Variants in APBA2 observed in about 807,000 individuals in gnomAD.
The protein encoded by APBA2 is amyloid-beta A4 precursor protein-binding family A member 2.
A neutral mutation model predicts 75.0 loss-of-function variants in APBA2; 30 were observed. That is an observed-to-expected ratio of 0.40 (90% confidence interval 0.30 to 0.54). The LOEUF is 0.54. Ranked by LOEUF, APBA2 falls within the 20% of genes least tolerant of loss-of-function variation. APBA2 has a pLI of 0.49. For missense variants in APBA2, 801 were observed against 1,016.1 expected (o/e 0.79, Z 2.88); for synonymous variants, 444 against 409.6 (o/e 1.08, Z -1.01).
intron 10 of APBA2, among the ~76,000 whole-genome samples, chr15:29,105,089 C>T (rs1422999904): frequency 6.6e-6 from 1 of 152,182 alleles, no homozygotes; most frequent in Non-Finnish European, 1.5e-5. Flanking sequence ...ACAGCTTTGA[C>T]CTGGAGCATC....
chr15:29,017,405 T>C (rs1318843043), intron 3 of APBA2, among the ~76,000 whole-genome samples: 2 of 134,894 alleles, frequency 1.5e-5, no homozygotes, highest in African/African-American at 5.5e-5. Flanking sequence ...TTCTTTTTTT[T>C]TTTTTTTTTT....
rs770195143 is a variant in APBA2 at position 28,900,319 on chromosome 15, C to T, written c.-205+14041C>T. On this transcript the variant is annotated intron_variant, in intron 1 of 14. Coordinates refer to ENST00000683413, the MANE Select transcript of APBA2 (RefSeq NM_001353788.2). ...ACCAATGCTGGGCACCGTGCATCAG[C>T]GTCGTGGTGACGGCAGCATTGGGTG... Among the ~76,000 whole-genome samples the T allele has an allele frequency of 1.6e-3, 245 of 152,320 alleles. 2 individuals carry two copies. The highest frequency in any genetic ancestry group is 1.2e-3 in the Non-Finnish European group (81 of 68,030).
chr15:29,096,822 G>A (rs1374376202), intron 8 of APBA2, among the ~76,000 whole-genome samples: 2 of 152,224 alleles, frequency 1.3e-5, no homozygotes, highest in African/African-American at 4.8e-5. Context: ...CAGTGACCAC[G>A]GAGAATTATT....
chr15:28,912,247 G>A (rs1222660782), intron 1 of APBA2, among the ~76,000 whole-genome samples: 1 of 152,208 alleles, frequency 6.6e-6, no homozygotes, highest in Admixed American at 6.5e-5. Flanking sequence ...TGACATGTAA[G>A]AGTCAGGCCA....
chr15:28,969,434 C>T (rs893959427), intron 2 of APBA2, among the ~76,000 whole-genome samples: 1 of 152,086 alleles, frequency 6.6e-6, no homozygotes, highest in Non-Finnish European at 1.5e-5. Flanking sequence ...CCCACCTTGG[C>T]CTCCCAAAGT....
chr15:28,916,130 C>T (rs1462709459), intron 1 of APBA2, among the ~76,000 whole-genome samples: 4 of 152,266 alleles, frequency 2.6e-5, no homozygotes, highest in African/African-American at 9.6e-5. Context: ...TCCTTTGGGT[C>T]AGCACCGCCT....
chr15:28,988,585 A>G (rs1305740895), intron 2 of APBA2, among the ~76,000 whole-genome samples: 1 of 152,156 alleles, frequency 6.6e-6, no homozygotes, highest in East Asian at 1.9e-4. Flanking sequence ...TTTGCTTAAC[A>G]TTATGTTTGT....
At chr15:29,050,123 C>T (rs1057452825) in intron 3 of APBA2, among the ~76,000 whole-genome samples, 10 of 152,176 alleles carry the variant, frequency 6.6e-5, no homozygotes, top group African/African-American at 2.2e-4. Context: ...GAAATTGTAT[C>T]AGCTTCCAGA....
chr15:29,053,858 G>C lies in APBA2; in HGVS notation c.-27G>C. 1 of 1,600,738 alleles carries C rather than the reference G, an allele frequency of 6.2e-7. No individual in the cohort carries two copies. Among genetic ancestry groups the C allele is most frequent in the Non-Finnish European group, 8.5e-7 (1 of 1,170,540 alleles). ...TCCTCCCCACAGTGGCTGCCTCCGG[G>C]TGATGATGGCTGTGTGAACGACTGC... On this transcript the variant is annotated 5_prime_UTR_variant, in exon 4 of 15. Transcript: ENST00000683413.
intron 10 of APBA2, among the ~76,000 whole-genome samples, chr15:29,104,416 A>G (rs567305072): frequency 3.3e-5 from 5 of 152,308 alleles, no homozygotes; most frequent in Non-Finnish European, 5.9e-5. Flanking sequence ...GAGCTCCGGG[A>G]GCTCAGTACA....
chr15:28,995,503 A>G, intron 2 of APBA2, among the ~76,000 whole-genome samples: 1 of 152,224 alleles, frequency 6.6e-6, no homozygotes, highest in East Asian at 1.9e-4. Context: ...AATGGTACAT[A>G]AGCCATCTCT....
intron 14 of APBA2, among the ~76,000 whole-genome samples, chr15:29,116,152 C>A (rs1227461015): frequency 6.6e-6 from 1 of 152,162 alleles, no homozygotes; most frequent in Non-Finnish European, 1.5e-5. Context: ...CGGTTGGTCT[C>A]CCTGGGGCGG....
chr15:29,111,054 GC>G (rs1262235455), intron 13 of APBA2, among the ~76,000 whole-genome samples: 1 of 152,158 alleles, frequency 6.6e-6, no homozygotes, highest in African/African-American at 2.4e-5. Context: ...GTTGAGGGCA[GC>G]AGCAGACTTG....
At position 28,918,999 on chromosome 15, in the gene APBA2, A is replaced by G. The variant is rs2033826923; in HGVS notation, c.-204-2641A>G. On this transcript the variant is annotated intron_variant, in intron 1 of 14. Transcript: ENST00000683413. The surrounding 1 kb of genome is among the most constrained non-coding windows in gnomAD (Gnocchi z 4.2). ...CTCAGCCTCCGGAGTAGCTGGGACT[A>G]CAGGCGCCCGCCACCACGCCCGGCT... Among the ~76,000 whole-genome samples the G allele has an allele frequency of 6.6e-6, 1 of 152,012 alleles. No homozygotes were observed. Among genetic ancestry groups the G allele is most frequent in the East Asian group, 1.9e-4 (1 of 5,140 alleles).
intron 1 of APBA2, among the ~76,000 whole-genome samples, chr15:28,914,972 A>G (rs1172400033): frequency 6.7e-6 from 1 of 148,352 alleles, no homozygotes; most frequent in East Asian, 2.0e-4. Flanking sequence ...CACCACACGC[A>G]TACCCCATAC....
intron 4 of APBA2, among the ~76,000 whole-genome samples, chr15:29,070,360 T>TC (rs1237097144): frequency 6.6e-6 from 1 of 152,210 alleles, no homozygotes; most frequent in Admixed American, 6.5e-5. Context: ...CAGGAGGGAC[T>TC]CCCCTTCCTC....
intron 13 of APBA2, among the ~76,000 whole-genome samples, chr15:29,112,711 C>T (rs1019012162): frequency 6.6e-6 from 1 of 152,190 alleles, no homozygotes; most frequent in East Asian, 1.9e-4. Context: ...ATATCTGTAA[C>T]TTAAAATCGA....
Position 29,117,266 on chromosome 15 carries a change from C to T in APBA2, c.*133C>T, listed in dbSNP as rs1236958340. Reference sequence around the variant, plus strand: ...GGACGCTGGCTCCCCAAAGGGTGTGCCCTCACCACCCACTTGATTTTTTTC... The same window carrying T: ...GGACGCTGGCTCCCCAAAGGGTGTGTCCTCACCACCCACTTGATTTTTTTC... On this transcript the variant is annotated 3_prime_UTR_variant, in exon 15 of 15. Coordinates refer to ENST00000683413, the MANE Select transcript of APBA2 (RefSeq NM_001353788.2). 2 of 751,688 alleles carry T rather than the reference C, an allele frequency of 2.7e-6. No individual in the cohort carries two copies. The highest frequency in any genetic ancestry group is 1.8e-5 in the African/African-American group (1 of 56,696). The allele number at this position is 751,688 out of a possible 1,614,324, so 46.6% of individuals were successfully genotyped here. A position where few individuals can be genotyped will look rare whatever the true frequency, so the allele number is the denominator to read the frequency against.
At chr15:29,104,829 A>G (rs1282312143) in intron 10 of APBA2, among the ~76,000 whole-genome samples, 1 of 152,200 alleles carries the variant, frequency 6.6e-6, no homozygotes, top group Non-Finnish European at 1.5e-5. Flanking sequence ...CACACCTGCA[A>G]TGCCAACAGT....
Sources: gnomAD v4.1 joint callset for allele counts (sites outside exome capture counted in the v4.1 genomes callset) on GRCh38, gnomAD v4.1.1 for gene constraint, Gnocchi (gnomAD v3.1) non-coding constraint, MANE v1.5 for transcripts, NCBI Gene and HGNC (gene_info 2026-07-23, HGNC 2026-07-21) for gene names.